Variants in HS3ST1 observed in about 807,000 individuals in gnomAD.
The protein encoded by HS3ST1 is heparan sulfate glucosamine 3-O-sulfotransferase 1.
In HS3ST1, 8 loss-of-function variants were observed where a neutral mutation model predicts 20.7. The observed-to-expected ratio is 0.39, with a 90% CI of 0.23 to 0.70. HS3ST1 has a LOEUF of 0.70. Among genes scored for constraint, HS3ST1 ranks in the 30% least tolerant of loss-of-function variants. The pLI, the probability that HS3ST1 is intolerant of heterozygous loss-of-function variation, is 0.46. For missense variants in HS3ST1, 436 were observed against 423.4 expected, an observed-to-expected ratio of 1.03 and a Z score of -0.26; for synonymous variants, 205 against 190.4, an observed-to-expected ratio of 1.08 and a Z score of -0.63.
intron 1 of HS3ST1, among the ~76,000 whole-genome samples, chr4:11,402,675 A>G (rs1015487613): frequency 6.6e-6 from 1 of 152,216 alleles, no homozygotes. Flanking sequence ...GGTCACTGCT[A>G]TCACCATCTT....
intron 1 of HS3ST1, among the ~76,000 whole-genome samples, chr4:11,418,878 T>G (rs909925417): frequency 1.2e-4 from 19 of 152,294 alleles, no homozygotes; most frequent in South Asian, 6.2e-4. Context: ...ACTGCTCCTA[T>G]CATGCTCCAT....
chr4:11,413,279 C>T (rs1302216730), intron 1 of HS3ST1, among the ~76,000 whole-genome samples: 1 of 152,062 alleles, frequency 6.6e-6, no homozygotes, highest in Non-Finnish European at 1.5e-5. Flanking sequence ...CCCTTATCCC[C>T]ACACCAAACA....
chr4:11,434,105 G>A (rs192116090), upstream of HS3ST1, among the ~76,000 whole-genome samples: 98 of 152,240 alleles, frequency 6.4e-4, no homozygotes, highest in African/African-American at 2.3e-3. Context: ...ATTTAAAATA[G>A]CACTAATGCC....
chr4:11,408,478 A>G (rs1718529782), intron 1 of HS3ST1, among the ~76,000 whole-genome samples: 1 of 152,218 alleles, frequency 6.6e-6, no homozygotes, highest in Non-Finnish European at 1.5e-5. Context: ...ACACATAGAA[A>G]TAATTTAGCT....
chr4:11,399,131 G>C lies in HS3ST1; in HGVS notation c.875C>G (p.Pro292Arg). 6.2e-7 allele frequency: 1 copy of C among 1,613,960 alleles called. No individual in the cohort carries two copies. Among genetic ancestry groups the C allele is most frequent in the Non-Finnish European group, 8.5e-7 (1 of 1,179,874 alleles). The change falls in exon 2 of 2, where the codon CCA becomes CGA. Residue 292 changes from proline to arginine, a missense_variant. Coordinates refer to ENST00000002596, the MANE Select transcript of HS3ST1 (RefSeq NM_005114.4). This position sits in a 1 kb window ranked among gnomAD's most constrained non-coding sequence, Gnocchi z 5.1. The part of the protein sequence containing the change: ...LNKLHEYFHE[P>R]NKKFFELVGR... ...AACAAGCTCGAAGAACTTCTTATTTGGCTCATGAAAATATTCGTGCAGTTT... is the reference window on the plus strand; with the variant it reads ...AACAAGCTCGAAGAACTTCTTATTTCGCTCATGAAAATATTCGTGCAGTTT...
intron 1 of HS3ST1, among the ~76,000 whole-genome samples, chr4:11,409,815 A>G (rs896502995): frequency 1.3e-5 from 2 of 152,160 alleles, no homozygotes; most frequent in Non-Finnish European, 2.9e-5. Context: ...GGCAAGTGAC[A>G]TCTATGTATG....
intron 1 of HS3ST1, among the ~76,000 whole-genome samples, chr4:11,412,827 A>C (rs935570354): frequency 1.6e-4 from 25 of 152,234 alleles, no homozygotes; most frequent in African/African-American, 5.8e-4. Context: ...CTACGGACTG[A>C]ATGTTTGTGT....
At chr4:11,427,755 T>TA (rs1719097535) in intron 1 of HS3ST1, among the ~76,000 whole-genome samples, 12 of 152,192 alleles carry the variant, frequency 7.9e-5, no homozygotes, top group Admixed American at 7.8e-4. Context: ...TGCAGAGTTA[T>TA]AGACCTATAA....
Position 11,400,037 on chromosome 4 carries a change from G to T in HS3ST1, c.-32C>A, listed in dbSNP as rs1448640643. 4 of 1,463,968 alleles carry T rather than the reference G, an allele frequency of 2.7e-6. No homozygotes were observed. In the South Asian group the frequency reaches 5.6e-5, roughly 20 times the overall value. 90.7% of individuals were successfully genotyped at this position (1,463,968 alleles called of 1,614,324 possible). ...CACCACGGTGGCTTCACTGGGCCGC[G>T]CGCCGCTGGGTCATGAAGTGCCGCA... On this transcript the variant is annotated 5_prime_UTR_variant, in exon 2 of 2. Coordinates refer to ENST00000002596, the MANE Select transcript of HS3ST1 (RefSeq NM_005114.4).
chr4:11,399,620 A>C lies in HS3ST1; in HGVS notation c.386T>G (p.Val129Gly). The C allele has an allele frequency of 6.2e-7, 1 of 1,613,936 alleles. No homozygotes were observed. The highest frequency in any genetic ancestry group is 8.5e-7 in the Non-Finnish European group (1 of 1,180,038). The stretch of plus-strand genomic sequence containing the variant: ...GTTCATGCTGTAGACTCGCTCAGGC[A>C]CTTTGGGCGACGTGAAATACGCGGG... Reference protein sequence around the residue: ...KTPAYFTSPKVPERVYSMNPS... With the variant: ...KTPAYFTSPKGPERVYSMNPS... Residue 129 changes from valine (V) to glycine (G), a missense_variant, in exon 2 of 2, where the codon GTG becomes GGG. Transcript: ENST00000002596. This position sits in a 1 kb window ranked among gnomAD's most constrained non-coding sequence, Gnocchi z 5.1.
chr4:11,405,822 GTC>G (rs1425216016), intron 1 of HS3ST1, among the ~76,000 whole-genome samples: 2 of 152,222 alleles, frequency 1.3e-5, no homozygotes, highest in African/African-American at 4.8e-5. Flanking sequence ...TTCTCCTTAT[GTC>G]TCCTTATTAC....
chr4:11,401,739 A>T (rs1718332099), intron 1 of HS3ST1, among the ~76,000 whole-genome samples: 1 of 152,234 alleles, frequency 6.6e-6, no homozygotes, highest in Admixed American at 6.5e-5. Context: ...CTCTAAACTC[A>T]GTGTTCTTTA....
chr4:11,399,818 C>T lies in HS3ST1; in HGVS notation c.188G>A (p.Arg63His), dbSNP rs1233497406. ...QLPQTIIIGV[R>H]KGGTRALLEM... ...CAGCAGTGCGCGCGTGCCGCCCTTGCGCACGCCGATGATGATGGTCTGCGG... is the reference window on the plus strand; with the variant it reads ...CAGCAGTGCGCGCGTGCCGCCCTTGTGCACGCCGATGATGATGGTCTGCGG... Residue 63 changes from arginine to histidine, a missense_variant, in exon 2 of 2, where the codon CGC (arginine) becomes CAC (histidine). Physicochemically the swap from Arg to His is conservative, Grantham distance 29. Coordinates refer to ENST00000002596, the MANE Select transcript of HS3ST1 (RefSeq NM_005114.4). The surrounding 1 kb of genome is among the most constrained non-coding windows in gnomAD (Gnocchi z 5.1). The T allele has an allele frequency of 3.1e-6, 5 of 1,612,990 alleles. No individual in the cohort carries two copies. Among genetic ancestry groups the T allele is most frequent in the African/African-American group, 1.3e-5 (1 of 75,068 alleles).
Position 11,396,129 on chromosome 4 carries a change from C to G in HS3ST1, c.*2953G>C. 6.6e-6 allele frequency: 1 copy of G among 152,216 alleles called. No individual in the cohort carries two copies. The highest frequency in any genetic ancestry group is 1.9e-4 in the East Asian group (1 of 5,186). The allele number at this position is 152,216 out of a possible 1,614,324, so 9.4% of individuals were successfully genotyped here. A position where few individuals can be genotyped will look rare whatever the true frequency, so the allele number is the denominator to read the frequency against. On this transcript the variant is annotated 3_prime_UTR_variant, in exon 2 of 2. Coordinates refer to ENST00000002596, the MANE Select transcript of HS3ST1 (RefSeq NM_005114.4). ...CACGCTAGGCATCGGCCTCTCCTGCCCTCCATCTCCTTTCAGTTGGGTAAG... is the reference window on the plus strand; with the variant it reads ...CACGCTAGGCATCGGCCTCTCCTGCGCTCCATCTCCTTTCAGTTGGGTAAG...
At chr4:11,430,245 T>C (rs1719178189), upstream of HS3ST1, among the ~76,000 whole-genome samples, 1 of 152,206 alleles carries the variant, frequency 6.6e-6, no homozygotes, top group Non-Finnish European at 1.5e-5. Context: ...AGGAGTTGAA[T>C]GACCTTGTCT....
chr4:11,432,857 T>C (rs1467251996), upstream of HS3ST1, among the ~76,000 whole-genome samples: 1 of 152,178 alleles, frequency 6.6e-6, no homozygotes, highest in African/African-American at 2.4e-5. Context: ...AGCTCACCCA[T>C]CTCATGCCTC....
chr4:11,419,274 G>A (rs1294146200), intron 1 of HS3ST1, among the ~76,000 whole-genome samples: 1 of 151,706 alleles, frequency 6.6e-6, no homozygotes, highest in Non-Finnish European at 1.5e-5. Flanking sequence ...CTCATTGGTT[G>A]GCCTAGAAAA....
At position 11,393,965 on chromosome 4, in the gene HS3ST1, A is replaced by G. The variant is rs937473831; in HGVS notation, c.*5117T>C. 3 of 152,208 alleles carry G rather than the reference A, an allele frequency of 2.0e-5. No homozygotes were observed. In the South Asian group the frequency reaches 6.2e-4, roughly 32 times the overall value. The allele number at this position is 152,208 out of a possible 1,614,324, so 9.4% of individuals were successfully genotyped here. A position where few individuals can be genotyped will look rare whatever the true frequency, so the allele number is the denominator to read the frequency against. Reference sequence around the variant, plus strand: ...CACTTCCCTGGTAAATGAGCTCTGGATGGAGCATTAACAGCAATAGCTACA... The same window carrying G: ...CACTTCCCTGGTAAATGAGCTCTGGGTGGAGCATTAACAGCAATAGCTACA... On this transcript the variant is annotated 3_prime_UTR_variant, in exon 2 of 2. Transcript: ENST00000002596.
chr4:11,431,516 A>T (rs1719206404), upstream of HS3ST1, among the ~76,000 whole-genome samples: 1 of 152,216 alleles, frequency 6.6e-6, no homozygotes, highest in Non-Finnish European at 1.5e-5. Flanking sequence ...GTACAACACT[A>T]TGCCAGTTAC....
Sources: gnomAD v4.1 joint callset for allele counts (sites outside exome capture counted in the v4.1 genomes callset) on GRCh38, gnomAD v4.1.1 for gene constraint, Gnocchi (gnomAD v3.1) non-coding constraint, MANE v1.5 for transcripts, NCBI Gene and HGNC (gene_info 2026-07-23, HGNC 2026-07-21) for gene names.